Variants in TNFSF8 observed in about 807,000 individuals in gnomAD.
TNFSF8 encodes TNF superfamily member 8.
Under a neutral mutation model 22.0 loss-of-function variants are expected in TNFSF8, and 4 were observed. That is an observed-to-expected ratio of 0.18 (90% CI 0.09 to 0.42). The LOEUF is 0.42. TNFSF8 is among the 10% of genes least tolerant of loss of function. The pLI is 1.00. For missense variants in TNFSF8, 233 were observed against 281.8 expected (o/e 0.83, Z 1.24); for synonymous variants, 106 against 112.5 (o/e 0.94, Z 0.37).
At chr9:114,917,942 C>T (rs1271972987) in intron 2 of TNFSF8, among the ~76,000 whole-genome samples, 154 bp downstream of exon 2, 1 of 152,196 alleles carries the variant, frequency 6.6e-6, no homozygotes. Context: ...TCAGGTGCAT[C>T]AGCTCAGTCC....
chr9:114,901,364 TG>T lies in TNFSF8; in HGVS notation c.*2566del. On this transcript the variant is annotated 3_prime_UTR_variant, in exon 4 of 4. Transcript: ENST00000223795. ...TTGGTTACATTATTCATTTAAATGA[TG>T]TACCCCTTGTGTCTTTAGGTGTTGG... 1.0e-6 allele frequency: 1 copy of T among 985,428 alleles called. No homozygotes were observed. The highest frequency in any genetic ancestry group is 1.2e-6 in the Non-Finnish European group (1 of 829,908). 61.0% of individuals were successfully genotyped at this position (985,428 alleles called of 1,614,324 possible). A position where few individuals can be genotyped will look rare whatever the true frequency, so the allele number is the denominator to read the frequency against.
exon 5 of TNFSF8, chr9:114,893,989 C>G: frequency 9.2e-7 from 1 of 1,084,174 alleles, no homozygotes; most frequent in Non-Finnish European, 1.4e-6. Flanking sequence ...CCCAGAGTGA[C>G]TGGTACCATC....
At chr9:114,922,348 A>G (rs1011026926) in intron 1 of TNFSF8, among the ~76,000 whole-genome samples, 2 of 152,182 alleles carry the variant, frequency 1.3e-5, no homozygotes, top group South Asian at 2.1e-4. Context: ...TTGCCCTCAC[A>G]TAGTCTTGTA....
chr9:114,906,311 C>T (rs1039825143), intron 2 of TNFSF8, among the ~76,000 whole-genome samples: 2 of 152,186 alleles, frequency 1.3e-5, no homozygotes, highest in African/African-American at 2.4e-5. Flanking sequence ...TACATTGTTT[C>T]GTGGTGCCTT....
intron 1 of TNFSF8, among the ~76,000 whole-genome samples, chr9:114,927,987 G>A (rs1202075650): frequency 6.6e-6 from 1 of 151,474 alleles, no homozygotes; most frequent in Non-Finnish European, 1.5e-5. Flanking sequence ...TTCTTGTTAG[G>A]TCTTACAACA....
intron 2 of TNFSF8, 129 bp downstream of exon 2, chr9:114,917,967 C>A: frequency 1.1e-6 from 1 of 876,114 alleles, no homozygotes; most frequent in Non-Finnish European, 1.7e-6. Context: ...CAGCCCTTGC[C>A]TCCACCCCTA....
chr9:114,910,491 G>A (rs1301238289), intron 2 of TNFSF8, among the ~76,000 whole-genome samples: 1 of 152,154 alleles, frequency 6.6e-6, no homozygotes, highest in East Asian at 1.9e-4. Context: ...CTAATCCAGG[G>A]CTCTTCTCTG....
chr9:114,929,625 G>C (rs181092250), intron 1 of TNFSF8, among the ~76,000 whole-genome samples: 8 of 152,156 alleles, frequency 5.3e-5, no homozygotes, highest in Admixed American at 5.2e-4. Flanking sequence ...TCAGAATCCA[G>C]TCTGAAGTCC....
At chr9:114,898,224 G>A (rs922370719), downstream of TNFSF8, among the ~76,000 whole-genome samples, 3 of 152,002 alleles carry the variant, frequency 2.0e-5, no homozygotes, top group African/African-American at 4.8e-5. Flanking sequence ...GACTGGTCTC[G>A]AACTCCTGAT....
intron 1 of TNFSF8, among the ~76,000 whole-genome samples, chr9:114,923,042 T>C (rs1026249793): frequency 1.3e-5 from 2 of 152,074 alleles, no homozygotes; most frequent in Non-Finnish European, 2.9e-5. Context: ...GGCTCAGATA[T>C]GGGCTTAGGA....
At position 114,902,603 on chromosome 9, in the gene TNFSF8, G is replaced by A; in HGVS notation, c.*1328C>T. On this transcript the variant is annotated 3_prime_UTR_variant, in exon 4 of 4. Transcript: ENST00000223795. Reference sequence around the variant, plus strand: ...TTCACACCATTCAGCAGGGCACCCTGAACCTTGTCCCCATATTCTGGCTCT... The same window carrying A: ...TTCACACCATTCAGCAGGGCACCCTAAACCTTGTCCCCATATTCTGGCTCT... The A allele has an allele frequency of 1.0e-6, 1 of 985,416 alleles. No individual in the cohort carries two copies. The allele number at this position is 985,416 out of a possible 1,614,324, so 61.0% of individuals were successfully genotyped here. A position where few individuals can be genotyped will look rare whatever the true frequency, so the allele number is the denominator to read the frequency against.
downstream of TNFSF8, among the ~76,000 whole-genome samples, chr9:114,898,045 C>T (rs527851396): frequency 4.0e-5 from 6 of 151,100 alleles, 1 homozygote; most frequent in African/African-American, 9.7e-5. Context: ...TTCTGTTGCC[C>T]AGGCTGGAGT....
exon 5 of TNFSF8, chr9:114,894,100 G>A (rs1458613244): frequency 6.5e-7 from 1 of 1,535,308 alleles, no homozygotes; most frequent in Non-Finnish European, 8.7e-7. Flanking sequence ...GAGTTTCAAG[G>A]CAGCAGTGTC....
intron 2 of TNFSF8, among the ~76,000 whole-genome samples, chr9:114,910,112 C>A (rs1827834977): frequency 6.6e-6 from 1 of 152,206 alleles, no homozygotes; most frequent in Non-Finnish European, 1.5e-5. Context: ...CTTTGTAAAT[C>A]ATCTTTCCAA....
rs533057360 is a variant in TNFSF8, at chr9:114,903,776, G to T, written c.*155C>A. On this transcript the variant is annotated 3_prime_UTR_variant, in exon 4 of 4. Transcript: ENST00000223795. The stretch of plus-strand genomic sequence containing the variant: ...TAAAAACTCTCTTTTTAACCCTGGA[G>T]CTGTATCTTTCCAAGAGACAGAAGG... 42 of 1,408,812 alleles carry T rather than the reference G, an allele frequency of 3.0e-5. No individual in the cohort carries two copies. The East Asian group carries it at 9.8e-4, about 33-fold the overall frequency. 87.3% of individuals were successfully genotyped at this position (1,408,812 alleles called of 1,614,324 possible).
intron 2 of TNFSF8, among the ~76,000 whole-genome samples, chr9:114,914,364 A>G (rs1376278963): frequency 6.6e-6 from 1 of 152,216 alleles, no homozygotes; most frequent in Non-Finnish European, 1.5e-5. Context: ...CGCTATTCAT[A>G]AATGTGGGTT....
chr9:114,905,713 A>G lies in TNFSF8; in HGVS notation c.310+115T>C, dbSNP rs140128563. 1.8e-3 allele frequency: 1,455 copies of G among 814,988 alleles called. 11 individuals are homozygous for G. The African/African-American group carries it at 0.021, about 12-fold the overall frequency. 50.5% of individuals were successfully genotyped at this position (814,988 alleles called of 1,614,324 possible). A position where few individuals can be genotyped will look rare whatever the true frequency, so the allele number is the denominator to read the frequency against. ...ATTTCCTGCAGACTAAACAGTACAC[A>G]TCTGCAGGTCACATTTGGCCATGGG... On this transcript the variant is annotated intron_variant, in intron 3 of 3. Coordinates refer to ENST00000223795, the MANE Select transcript of TNFSF8 (RefSeq NM_001244.4).
rs1827717963 is a variant in TNFSF8 at position 114,901,627 on chromosome 9, T to C, written c.*2304A>G. On this transcript the variant is annotated 3_prime_UTR_variant, in exon 4 of 4. Coordinates refer to ENST00000223795, the MANE Select transcript of TNFSF8 (RefSeq NM_001244.4). ...TTGTCCTATGCAGTTAGTGTGTGAC[T>C]CAAATGCCAGCCATTTCCCTGTTTT... 1 of 985,460 alleles carries C rather than the reference T, an allele frequency of 1.0e-6. No homozygotes were observed. The highest frequency in any genetic ancestry group is 1.7e-5 in the African/African-American group (1 of 57,372). The allele number at this position is 985,460 out of a possible 1,614,324, so 61.0% of individuals were successfully genotyped here. A position where few individuals can be genotyped will look rare whatever the true frequency, so the allele number is the denominator to read the frequency against.
Position 114,930,365 on chromosome 9 carries a change from CA to C in TNFSF8, c.-63del. 7.8e-7 allele frequency: 1 copy of C among 1,282,162 alleles called. No individual in the cohort carries two copies. The allele number at this position is 1,282,162 out of a possible 1,614,324, so 79.4% of individuals were successfully genotyped here. A position where few individuals can be genotyped will look rare whatever the true frequency, so the allele number is the denominator to read the frequency against. On this transcript the variant is annotated 5_prime_UTR_variant, in exon 1 of 4. An upstream start codon of the reference 5' UTR is lost. Coordinates refer to ENST00000223795, the MANE Select transcript of TNFSF8 (RefSeq NM_001244.4). ...TCTTCATCTGATTCAGTTCTGGGCCCATCTCTGTTCCAAGAAGGATTCTCCC... is the reference window on the plus strand; with the variant it reads ...TCTTCATCTGATTCAGTTCTGGGCCCTCTCTGTTCCAAGAAGGATTCTCCC...
Sources: allele counts gnomAD v4.1 joint callset (sites outside exome capture counted in the v4.1 genomes callset), GRCh38; gene constraint gnomAD v4.1.1; transcripts MANE v1.5; gene names NCBI Gene and HGNC (gene_info 2026-07-23, HGNC 2026-07-21).